The following KIAA1328 variants were observed in gnomAD, a reference collection of about 807,000 sequenced individuals.
KIAA1328 encodes protein hinderin.
In KIAA1328, 52 loss-of-function variants were observed where a neutral mutation model predicts 68.1. The observed-to-expected ratio is 0.76, with a 90% CI of 0.61 to 0.96. The LOEUF is 0.96. KIAA1328 is among the 40% of genes least tolerant of loss of function. The probability of loss-of-function intolerance (pLI) is 0.00; values close to 1 mark genes in which losing one functional copy is unlikely to be tolerated. For missense variants in KIAA1328, 641 were observed against 677.6 expected, an observed-to-expected ratio of 0.95 and a Z score of 0.60; for synonymous variants, 232 against 239.4, an observed-to-expected ratio of 0.97 and a Z score of 0.28.
chr18:36,874,437 G>A (rs1334794079), intron 4 of KIAA1328, among the ~76,000 whole-genome samples: 1 of 152,172 alleles, frequency 6.6e-6, no homozygotes, highest in East Asian at 1.9e-4. Flanking sequence ...AATGACCAGT[G>A]GTGATGAGCT....
chr18:36,925,214 G>A (rs1376479383), intron 5 of KIAA1328, among the ~76,000 whole-genome samples: 4 of 152,110 alleles, frequency 2.6e-5, no homozygotes, highest in African/African-American at 9.7e-5. Context: ...TTTAAGGTAA[G>A]GAAATGGGAG....
chr18:36,854,073 A>T (rs2047305622), intron 4 of KIAA1328, among the ~76,000 whole-genome samples: 1 of 152,194 alleles, frequency 6.6e-6, no homozygotes, highest in South Asian at 2.1e-4. Flanking sequence ...AAAAGTGGTT[A>T]TTAAGGTTAA....
intron 9 of KIAA1328, among the ~76,000 whole-genome samples, chr18:37,213,756 C>T (rs374321734): frequency 1.3e-5 from 2 of 152,140 alleles, no homozygotes; most frequent in African/African-American, 4.8e-5. Flanking sequence ...CTAGTTTACA[C>T]TCCCACCAAC....
Position 37,210,772 on chromosome 18 carries a change from A to G in KIAA1328, c.1524-11245A>G, listed in dbSNP as rs561944147. On this transcript the variant is annotated intron_variant, in intron 9 of 9. Coordinates refer to ENST00000280020, the MANE Select transcript of KIAA1328 (RefSeq NM_020776.3). ...TTTTTTATTTTTCTTTATTGCATAT[A>G]TAATTCTTGTATTAAATTGGGTCAT... 2.0e-4 allele frequency among the ~76,000 whole-genome samples: 30 copies of G among 152,344 alleles called. No individual in the cohort carries two copies. The East Asian group carries it at 4.8e-3, about 24-fold the overall frequency.
intron 5 of KIAA1328, chr18:36,921,242 AG>A (rs1232185691): frequency 6.6e-6 from 1 of 151,388 alleles, no homozygotes; most frequent in African/African-American, 2.4e-5. Flanking sequence ...TCATTACCAG[AG>A]GGTTATTTTT....
rs540714154 is a variant in KIAA1328, at chr18:37,038,086, G to C, written c.577-28804G>C. On this transcript the variant is annotated intron_variant, in intron 6 of 9. Coordinates refer to ENST00000280020, the MANE Select transcript of KIAA1328 (RefSeq NM_020776.3). Reference sequence around the variant, plus strand: ...ACTGCACTCTAGCCTGGGTGGCAGAGTGAGACTCTGTCTCAAAAAAAAAAA... The same window carrying C: ...ACTGCACTCTAGCCTGGGTGGCAGACTGAGACTCTGTCTCAAAAAAAAAAA... 1.4e-4 allele frequency among the ~76,000 whole-genome samples: 21 copies of C among 151,864 alleles called. No homozygotes were observed. The South Asian group carries it at 2.3e-3, about 17-fold the overall frequency.
At chr18:37,177,609 T>C (rs1323007676) in intron 9 of KIAA1328, among the ~76,000 whole-genome samples, 1 of 152,166 alleles carries the variant, frequency 6.6e-6, no homozygotes, top group Non-Finnish European at 1.5e-5. Flanking sequence ...TGTTCACTTT[T>C]TTAGCTTTTT....
intron 6 of KIAA1328, among the ~76,000 whole-genome samples, chr18:37,055,787 C>A (rs2055883547): frequency 6.6e-6 from 1 of 152,074 alleles, no homozygotes; most frequent in Non-Finnish European, 1.5e-5. Context: ...TTTGAAGTTA[C>A]AAAACTGAGA....
At chr18:37,170,225 A>G (rs2154213349) in intron 8 of KIAA1328, among the ~76,000 whole-genome samples, 1 of 152,202 alleles carries the variant, frequency 6.6e-6, no homozygotes, top group East Asian at 1.9e-4. Flanking sequence ...TTACTGTTTT[A>G]TTTTTGAGTC....
intron 5 of KIAA1328, among the ~76,000 whole-genome samples, chr18:36,933,237 C>T (rs1175541745): frequency 6.6e-6 from 1 of 151,948 alleles, no homozygotes; most frequent in Admixed American, 6.6e-5. Flanking sequence ...GTATATGTAT[C>T]TATTTCTTAA....
chr18:37,023,959 A>T (rs572570830), intron 6 of KIAA1328, among the ~76,000 whole-genome samples: 9 of 152,090 alleles, frequency 5.9e-5, no homozygotes, highest in Admixed American at 2.0e-4. Context: ...ACTCTCCTCC[A>T]GTCTTTTACC....
At chr18:37,120,141 A>G (rs1449820523) in intron 7 of KIAA1328, among the ~76,000 whole-genome samples, 1 of 152,208 alleles carries the variant, frequency 6.6e-6, no homozygotes, top group Non-Finnish European at 1.5e-5. Context: ...TAAAGACAAT[A>G]TAATATGCAA....
At chr18:36,895,239 G>T (rs1258732458) in intron 5 of KIAA1328, among the ~76,000 whole-genome samples, 3 of 152,162 alleles carry the variant, frequency 2.0e-5, no homozygotes, top group Non-Finnish European at 4.4e-5. Context: ...ACTTATAAGA[G>T]ATCTTGGATC....
chr18:36,834,534 GCTTAT>G (rs1198673083), intron 2 of KIAA1328, among the ~76,000 whole-genome samples, 179 bp downstream of exon 2: 1 of 152,076 alleles, frequency 6.6e-6, no homozygotes, highest in Non-Finnish European at 1.5e-5. Flanking sequence ...TGAAATACTG[GCTTAT>G]CTTTGGGATT....
intron 5 of KIAA1328, among the ~76,000 whole-genome samples, chr18:36,938,843 G>A (rs1382101582): frequency 6.6e-6 from 1 of 152,110 alleles, no homozygotes; most frequent in African/African-American, 2.4e-5. Flanking sequence ...AAGAGACTCT[G>A]TTTTCATCAT....
At chr18:36,936,409 G>A (rs1245533407) in intron 5 of KIAA1328, among the ~76,000 whole-genome samples, 3 of 152,134 alleles carry the variant, frequency 2.0e-5, no homozygotes, top group Non-Finnish European at 2.9e-5. Context: ...GTTTGCTGAG[G>A]ATGATGGCTT....
intron 7 of KIAA1328, among the ~76,000 whole-genome samples, chr18:37,139,346 G>T (rs1402698877): frequency 5.9e-5 from 9 of 152,054 alleles, no homozygotes; most frequent in Admixed American, 5.2e-4. Context: ...GATTTAGTTG[G>T]GATGTTTAGG....
chr18:37,167,108 G>T (rs553536154), intron 8 of KIAA1328, among the ~76,000 whole-genome samples: 5 of 152,214 alleles, frequency 3.3e-5, no homozygotes, highest in Non-Finnish European at 7.3e-5. Context: ...TAATGGGGGA[G>T]TGGCTCGCTT....
At chr18:37,026,418 A>C (rs990943739) in intron 6 of KIAA1328, among the ~76,000 whole-genome samples, 3 of 152,120 alleles carry the variant, frequency 2.0e-5, no homozygotes, top group East Asian at 1.9e-4. Context: ...GAGACACAAC[A>C]AAAAAAGAGA....
Sources: allele counts gnomAD v4.1 joint callset (sites outside exome capture counted in the v4.1 genomes callset), GRCh38; gene constraint gnomAD v4.1.1; transcripts MANE v1.5; gene names NCBI Gene and HGNC (gene_info 2026-07-23, HGNC 2026-07-21).